The following MICAL2 variants were observed in gnomAD, a reference collection of about 807,000 sequenced individuals.
MICAL2 encodes the protein [F-actin]-monooxygenase MICAL2.
Under a neutral mutation model 127.3 loss-of-function variants are expected in MICAL2, and 77 were observed. That is an observed-to-expected ratio of 0.60 (90% CI 0.50 to 0.73). MICAL2 has a LOEUF of 0.73. Among genes scored for constraint, MICAL2 ranks in the 30% least tolerant of loss-of-function variants. The pLI, the probability that MICAL2 is intolerant of heterozygous loss-of-function variation, is 0.00. For missense variants in MICAL2, 1,351 were observed against 1,434.4 expected, an observed-to-expected ratio of 0.94 and a Z score of 0.94; for synonymous variants, 570 against 551.1, an observed-to-expected ratio of 1.03 and a Z score of -0.48.
chr11:12,309,872 T>C (rs1327175723), intron 29 of MICAL2, among the ~76,000 whole-genome samples: 2 of 152,218 alleles, frequency 1.3e-5, no homozygotes, highest in Non-Finnish European at 2.9e-5. Context: ...ATAGCCATTC[T>C]AACTGGGGTG....
rs189290736 is a variant in MICAL2, at chr11:12,349,923, G to A, written c.5601G>A (p.Ser1867=). The change falls in exon 33 of 35, where the codon TCG becomes TCA. Residue 1867 remains serine, a synonymous_variant. Coordinates refer to the MICAL2 transcript ENST00000646065. ...AGAATAAATTAATGCGATATGAGTC[G>A]GAGCTCCTAATCATGTAAGTAAGGC... is the stretch of plus-strand genomic sequence containing the variant. 2.8e-4 allele frequency: 456 copies of A among 1,613,754 alleles called. No homozygotes were observed. The African/African-American group carries it at 5.2e-3, about 18-fold the overall frequency.
At chr11:12,162,782 C>T (rs1219988178) in intron 3 of MICAL2, among the ~76,000 whole-genome samples, 3 of 152,202 alleles carry the variant, frequency 2.0e-5, no homozygotes, top group Admixed American at 6.5e-5. Context: ...TTTCAATGAA[C>T]AGCTACAGCA....
chr11:12,161,874 G>C (rs1415055430), intron 2 of MICAL2: 1 of 475,432 alleles, frequency 2.1e-6, no homozygotes, highest in Non-Finnish European at 3.8e-6. Context: ...GAGCATAGGG[G>C]AAGAGATTAC....
downstream of MICAL2, among the ~76,000 whole-genome samples, chr11:12,268,459 G>T (rs1863632373): frequency 1.3e-5 from 2 of 152,316 alleles, no homozygotes; most frequent in Non-Finnish European, 2.9e-5. Flanking sequence ...CCTTGCTCTG[G>T]GGTCCTGACA....
intron 29 of MICAL2, among the ~76,000 whole-genome samples, chr11:12,306,341 C>T (rs1389958163): frequency 6.6e-6 from 1 of 152,000 alleles, no homozygotes; most frequent in East Asian, 1.9e-4. Context: ...TCTTCTGGTA[C>T]ACTATATTTC....
intron 15 of MICAL2, among the ~76,000 whole-genome samples, chr11:12,231,110 G>C (rs1254058101): frequency 6.6e-6 from 1 of 152,198 alleles, no homozygotes; most frequent in Non-Finnish European, 1.5e-5. Context: ...CACACACACA[G>C]ACATACACCC....
intron 33 of MICAL2, among the ~76,000 whole-genome samples, chr11:12,351,310 A>C (rs756814622): frequency 6.6e-6 from 1 of 152,078 alleles, no homozygotes; most frequent in Non-Finnish European, 1.5e-5. Context: ...GTTATCCTAG[A>C]CCAGTGGGGT....
At chr11:12,264,864 G>A (rs865813136), downstream of MICAL2, among the ~76,000 whole-genome samples, 2 of 152,188 alleles carry the variant, frequency 1.3e-5, no homozygotes, top group Non-Finnish European at 1.5e-5. Context: ...CCTAGGTACA[G>A]CAGGGAACCA....
At chr11:12,236,883 G>T (rs897136840) in intron 16 of MICAL2, among the ~76,000 whole-genome samples, 2 of 152,196 alleles carry the variant, frequency 1.3e-5, no homozygotes, top group East Asian at 1.9e-4. Context: ...CCACAAGCAT[G>T]CATATTGTCA....
rs755514679 is a variant in MICAL2 at position 12,213,312 on chromosome 11, T to A, written c.749T>A (p.Ile250Lys). The change falls in exon 7 of 28, where the codon ATA (isoleucine) becomes AAA (lysine). Residue 250 changes from isoleucine to lysine, a missense_variant. Physicochemically the swap from Ile to Lys is moderately radical, Grantham distance 102 (BLOSUM62 -3). This residue lies in a region of MICAL2 where 599 missense variants were observed against 714.9 expected (regional missense o/e 0.84). Coordinates refer to ENST00000683283, the MANE Select transcript of MICAL2 (RefSeq NM_001282663.2). ...KLAIAITANF[I>K]NRNSTAEAKV... is the part of the protein sequence containing the mutation. ...GCGATTGCCATCACCGCCAACTTCA[T>A]AAACAGAAACAGCACAGCGGAAGCC... 8 of 1,613,868 alleles carry A rather than the reference T, an allele frequency of 5.0e-6. No individual in the cohort carries two copies. The Admixed American group carries it at 1.3e-4, about 27-fold the overall frequency.
chr11:12,204,371 T>C lies in MICAL2; in HGVS notation c.386T>C (p.Leu129Pro). The C allele has an allele frequency of 6.2e-7, 1 of 1,612,452 alleles. No homozygotes were observed. The highest frequency in any genetic ancestry group is 8.5e-7 in the Non-Finnish European group (1 of 1,178,888). Residue 129 changes from leucine to proline, a missense_variant, in exon 4 of 28, where the codon CTC becomes CCC. Leu to Pro is a moderately conservative substitution (Grantham distance 98). Around this residue, in one of 2 missense-constraint regions of MICAL2, gnomAD observed 599 missense variants for 714.9 expected, o/e 0.84. Transcript: ENST00000683283. ...TTCTCCCGGAACAACGTGCTACACC[T>C]CTGGCCTTTCACCATCCATGACCTT... ...DSFSRNNVLH[L>P]WPFTIHDLRG...
At chr11:12,341,411 A>G (rs1315463185) in intron 32 of MICAL2, among the ~76,000 whole-genome samples, 9 of 152,160 alleles carry the variant, frequency 5.9e-5, no homozygotes. Context: ...ACACACACCA[A>G]TACATAATCA....
At chr11:12,120,092 G>A (rs76409747) in intron 1 of MICAL2, among the ~76,000 whole-genome samples, 4 of 152,182 alleles carry the variant, frequency 2.6e-5, no homozygotes, top group East Asian at 1.9e-4. Flanking sequence ...TGCTGTGTAC[G>A]CTTGTAGCAC....
chr11:12,315,431 G>C (rs1864220917), intron 29 of MICAL2, among the ~76,000 whole-genome samples: 2 of 152,156 alleles, frequency 1.3e-5, no homozygotes, highest in African/African-American at 2.4e-5. Context: ...GGGTGACAGA[G>C]TGAGACTCTG....
chr11:12,216,364 TG>T, intron 8 of MICAL2, 45 bp downstream of exon 8: 1 of 1,449,878 alleles, frequency 6.9e-7, no homozygotes, highest in Non-Finnish European at 9.7e-7. Context: ...CGACCTGGGC[TG>T]GTGACATCAG....
At chr11:12,173,743 T>G (rs1856538098) in intron 3 of MICAL2, among the ~76,000 whole-genome samples, 1 of 152,214 alleles carries the variant, frequency 6.6e-6, no homozygotes, top group African/African-American at 2.4e-5. Flanking sequence ...ATCTTTTTGT[T>G]TGTGTAAATT....
At chr11:12,338,494 A>G (rs1038372521) in intron 32 of MICAL2, among the ~76,000 whole-genome samples, 5 of 152,194 alleles carry the variant, frequency 3.3e-5, no homozygotes, top group Admixed American at 1.3e-4. Context: ...TGATCCTGTC[A>G]TTATGATGTT....
chr11:12,259,160 A>T (rs557289846), intron 25 of MICAL2, among the ~76,000 whole-genome samples: 3 of 151,874 alleles, frequency 2.0e-5, no homozygotes, highest in Admixed American at 1.3e-4. Context: ...AGGAAAGAAT[A>T]TAAAGAAACA....
chr11:12,337,420 A>AT (rs1555023489), intron 32 of MICAL2, among the ~76,000 whole-genome samples: 7 of 151,918 alleles, frequency 4.6e-5, no homozygotes, highest in South Asian at 2.1e-4. Context: ...GGATTCATTG[A>AT]TTTTTTGAAG....
Sources: allele counts gnomAD v4.1 joint callset (sites outside exome capture counted in the v4.1 genomes callset), GRCh38; gene constraint gnomAD v4.1.1; regional missense constraint gnomAD v4.1.1; transcripts MANE v1.5; gene names NCBI Gene and HGNC (gene_info 2026-07-23, HGNC 2026-07-21).